The following TANGO2 variants were observed in gnomAD, a reference collection of about 807,000 sequenced individuals.
TANGO2 encodes transport and golgi organization 2 homolog, also known as transport and Golgi organization protein 2 homolog.
Under a neutral mutation model 39.1 loss-of-function variants are expected in TANGO2, and 26 were observed. The observed-to-expected ratio is 0.67, with a 90% confidence interval of 0.49 to 0.92. The LOEUF (loss-of-function observed/expected upper bound fraction) is 0.92. Ranked by LOEUF, TANGO2 falls within the 40% of genes least tolerant of loss-of-function variation. The probability of loss-of-function intolerance (pLI) is 0.00; values close to 1 mark genes in which losing one functional copy is unlikely to be tolerated. For missense variants in TANGO2, 326 were observed against 360.1 expected, an observed-to-expected ratio of 0.91 and a Z score of 0.77; for synonymous variants, 131 against 144.5, an observed-to-expected ratio of 0.91 and a Z score of 0.67.
In TANGO2 at chr22:20,036,926, A is replaced by G. The variant is rs1365076735; in HGVS notation, c.56+72A>G. 4 of 1,613,944 alleles carry G rather than the reference A, an allele frequency of 2.5e-6. No individual in the cohort carries two copies. In the African/African-American group the frequency reaches 5.3e-5, roughly 22 times the overall value. On this transcript the variant is annotated intron_variant, in intron 2 of 8. Coordinates refer to ENST00000327374, the MANE Select transcript of TANGO2 (RefSeq NM_152906.7). ...GCCCAGCCAGTTCTCATGCCACCCA[A>G]GCTGCTGTGTGCAGGAAGGTGTGTG...
At chr22:20,024,452 G>T (rs1179045212) in intron 1 of TANGO2, among the ~76,000 whole-genome samples, 1 of 152,202 alleles carries the variant, frequency 6.6e-6, no homozygotes, top group Non-Finnish European at 1.5e-5. Context: ...GTCTGCCTTT[G>T]AAAAGAGCAA....
chr22:20,036,577 G>A (rs73877118), intron 1 of TANGO2, among the ~76,000 whole-genome samples, 183 bp from the exon 2 acceptor site: 1 of 152,320 alleles, frequency 6.6e-6, no homozygotes, highest in African/African-American at 2.4e-5. Context: ...GTGCCAATGA[G>A]TGCATGGGTT....
intron 4 of TANGO2, among the ~76,000 whole-genome samples, chr22:20,053,014 C>T (rs1165340766): frequency 6.6e-6 from 1 of 152,142 alleles, no homozygotes; most frequent in Non-Finnish European, 1.5e-5. Flanking sequence ...CCACCTGACC[C>T]ACGCAGCACT....
In TANGO2 at chr22:20,027,342, C is replaced by T. The variant is rs373768609; in HGVS notation, c.-40+6096C>T. Among the ~76,000 whole-genome samples, 20 of 152,248 alleles carry T rather than the reference C, an allele frequency of 1.3e-4. No homozygotes were observed. In the East Asian group the frequency reaches 1.3e-3, roughly 10 times the overall value. Reference sequence around the variant, plus strand: ...GGACACAGATCCAAGCCAAATCAGCCCATGTGCAGAGCATGTGCTAGGGAT... The same window carrying T: ...GGACACAGATCCAAGCCAAATCAGCTCATGTGCAGAGCATGTGCTAGGGAT... On this transcript the variant is annotated intron_variant, in intron 1 of 8. Transcript: ENST00000327374.
intron 1 of TANGO2, among the ~76,000 whole-genome samples, chr22:20,023,104 C>T (rs1298556575): frequency 5.9e-5 from 9 of 152,202 alleles, no homozygotes. Context: ...CTCAACTTCC[C>T]TTTTAGACTG....
chr22:20,022,263 C>T (rs1259009848), intron 1 of TANGO2, among the ~76,000 whole-genome samples: 4 of 152,210 alleles, frequency 2.6e-5, no homozygotes, highest in African/African-American at 7.2e-5. Flanking sequence ...GCCTCTACTA[C>T]TCCTGGGCCA....
rs1872873510 is a variant in TANGO2, at chr22:20,063,547, C to T, written c.710+105C>T. 2.4e-5 allele frequency: 24 copies of T among 1,020,044 alleles called. 1 individual carries two copies. In the South Asian group the frequency reaches 3.4e-4, roughly 15 times the overall value. 63.2% of individuals were successfully genotyped at this position (1,020,044 alleles called of 1,614,324 possible). A position where few individuals can be genotyped will look rare whatever the true frequency, so the allele number is the denominator to read the frequency against. On this transcript the variant is annotated intron_variant, in intron 8 of 8. Coordinates refer to ENST00000327374, the MANE Select transcript of TANGO2 (RefSeq NM_152906.7). ...GCCCATAGCCAGAGCCAGGCTTCTTCCTCGCCTGAGTGGATTCCAGAGCTT... is the reference window on the plus strand; with the variant it reads ...GCCCATAGCCAGAGCCAGGCTTCTTTCTCGCCTGAGTGGATTCCAGAGCTT...
chr22:20,063,325 C>T lies in TANGO2; in HGVS notation c.606-13C>T. 2 of 1,611,762 alleles carry T rather than the reference C, an allele frequency of 1.2e-6. No homozygotes were observed. Among genetic ancestry groups the T allele is most frequent in the Non-Finnish European group, 1.7e-6 (2 of 1,178,976 alleles). ...AGAGGGACTAATGGCCACCACTTCT[C>T]TCCATCCTGCAGGCAGCTGCCAGAC... On this transcript the variant is annotated splice_polypyrimidine_tract_variant and intron_variant, in intron 7 of 8. Transcript: ENST00000327374.
intron 1 of TANGO2, among the ~76,000 whole-genome samples, chr22:20,030,137 G>A (rs952950581): frequency 2.1e-5 from 3 of 146,048 alleles, no homozygotes; most frequent in African/African-American, 7.6e-5. Context: ...GGGCATTCTC[G>A]TGTAAGCAGT....
intron 1 of TANGO2, among the ~76,000 whole-genome samples, chr22:20,022,685 G>A (rs1363020023): frequency 6.6e-6 from 1 of 152,248 alleles, no homozygotes; most frequent in Non-Finnish European, 1.5e-5. Context: ...TTGATCCTGT[G>A]CCCGGCTTCT....
rs559277108 is a variant in TANGO2, at chr22:20,051,257, C to T, written c.146-1208C>T. 2.6e-5 allele frequency among the ~76,000 whole-genome samples: 4 copies of T among 151,962 alleles called. No individual in the cohort carries two copies. The East Asian group carries it at 7.8e-4, about 30-fold the overall frequency. On this transcript the variant is annotated intron_variant, in intron 3 of 8. Transcript: ENST00000327374. ...ATAAAAATAATATCTTAGGGCCAGG[C>T]ACGGTGGCTCACACCTGTAATCCCA...
rs928726034 is a variant in TANGO2 at position 20,057,764 on chromosome 22, G to C, written c.451+1751G>C. On this transcript the variant is annotated intron_variant, in intron 6 of 8. Transcript: ENST00000327374. This position sits in a 1 kb window ranked among gnomAD's most constrained non-coding sequence, Gnocchi z 4.1. ...TGTGGCAGTGGAGTTGGGCCATGCT[G>C]AGCCTGTGACTGCCCAGGAGAGAAT... Among the ~76,000 whole-genome samples, 5 of 152,214 alleles carry C rather than the reference G, an allele frequency of 3.3e-5. No individual in the cohort carries two copies. Among genetic ancestry groups the C allele is most frequent in the Non-Finnish European group, 5.9e-5 (4 of 68,036 alleles).
chr22:20,045,181 A>G (rs546232037), intron 3 of TANGO2, among the ~76,000 whole-genome samples: 3 of 151,822 alleles, frequency 2.0e-5, no homozygotes, highest in African/African-American at 7.3e-5. Flanking sequence ...CACACCTGTA[A>G]TCTCAGCACT....
intron 1 of TANGO2, among the ~76,000 whole-genome samples, chr22:20,025,282 G>A (rs936375239): frequency 2.0e-5 from 3 of 151,420 alleles, no homozygotes; most frequent in African/African-American, 7.3e-5. Context: ...TAGTAGAGAC[G>A]GGGTTTCACC....
chr22:20,034,870 C>T (rs2042561665), intron 1 of TANGO2, among the ~76,000 whole-genome samples: 1 of 152,242 alleles, frequency 6.6e-6, no homozygotes, highest in Admixed American at 6.5e-5. Context: ...GCCACGCTCT[C>T]CGAACTGTTG....
intron 6 of TANGO2, chr22:20,058,301 A>G (rs1261191799): frequency 6.6e-6 from 1 of 152,148 alleles, no homozygotes; most frequent in East Asian, 1.9e-4. Context: ...GAATCCTATA[A>G]TATGTAGTTT....
upstream of TANGO2, among the ~76,000 whole-genome samples, chr22:20,018,957 C>T (rs1473704431): frequency 3.9e-5 from 6 of 152,100 alleles, no homozygotes; most frequent in South Asian, 4.2e-4. Flanking sequence ...TGGTGGTAGA[C>T]GCCCATAGTC....
chr22:20,060,312 G>A (rs1403437200), intron 6 of TANGO2, among the ~76,000 whole-genome samples: 7 of 133,338 alleles, frequency 5.2e-5, no homozygotes, highest in Admixed American at 1.8e-4. Flanking sequence ...TTGCGCCACC[G>A]CACTCCAGCC....
intron 3 of TANGO2, among the ~76,000 whole-genome samples, chr22:20,049,223 A>C (rs1044331098): frequency 6.6e-6 from 1 of 152,178 alleles, no homozygotes; most frequent in Non-Finnish European, 1.5e-5. Context: ...TCTTTTGCCT[A>C]GTTCATTACT....
Sources: allele counts gnomAD v4.1 joint callset (sites outside exome capture counted in the v4.1 genomes callset), GRCh38; gene constraint gnomAD v4.1.1; non-coding constraint Gnocchi (gnomAD v3.1); transcripts MANE v1.5; gene names NCBI Gene and HGNC (gene_info 2026-07-23, HGNC 2026-07-21).